SPHKAP: variants seen among roughly 807,000 people sequenced by gnomAD.
The protein encoded by SPHKAP is SPHK1 interactor, AKAP domain containing, also known as A-kinase anchor protein SPHKAP.
A neutral mutation model predicts 137.5 loss-of-function variants in SPHKAP; 67 were observed. The ratio of observed to expected loss-of-function variants is 0.49; its 90% CI spans 0.40 to 0.60. The LOEUF (loss-of-function observed/expected upper bound fraction) is 0.60, where lower values mean the gene tolerates loss of function less well. SPHKAP is among the 20% of genes least tolerant of loss of function. The pLI is 0.00. For synonymous variants in SPHKAP, 813 were observed against 785.3 expected, an observed-to-expected ratio of 1.04 and a Z score of -0.59; for missense variants, 2,097 against 2,069.3, an observed-to-expected ratio of 1.01 and a Z score of -0.26.
chr2:227,991,800 A>AATTTT, intron 9 of SPHKAP: 7 of 576,990 alleles, frequency 1.2e-5, no homozygotes, highest in Non-Finnish European at 1.5e-5. Context: ...TTTAAAAAAT[A>AATTTT]ATTTTACATG....
Position 228,018,463 on chromosome 2 carries a change from C to G in SPHKAP, c.2391G>C (p.Lys797Asn). The G allele has an allele frequency of 6.2e-7, 1 of 1,614,186 alleles. No homozygotes were observed. The highest frequency in any genetic ancestry group is 1.3e-5 in the African/African-American group (1 of 75,060). Residue 797 changes from lysine (K) to asparagine (N), a missense_variant, in exon 7 of 12, where the codon AAG becomes AAC. By Grantham distance (94) the Lys-to-Asn change is moderately conservative. Transcript: ENST00000392056. ...LVDGMYSKQD[K>N]GGVRPGLFKN... ...TGAAGAGGCCTGGCCTCACTCCACC[C>G]TTGTCTTGTTTTGAATACATGCCAT...
chr2:228,063,143 C>CCTATCTATCTATCTATCTAT (rs71043020), intron 3 of SPHKAP, among the ~76,000 whole-genome samples: 122 of 145,970 alleles, frequency 8.4e-4, no homozygotes, highest in South Asian at 2.4e-3. Flanking sequence ...TAGATAGATC[C>CCTATCTATCTATCTATCTAT]CTATCTATCT....
intron 7 of SPHKAP, among the ~76,000 whole-genome samples, chr2:228,001,494 TA>T (rs937893603): frequency 6.9e-6 from 1 of 143,914 alleles, no homozygotes; most frequent in African/African-American, 2.5e-5. Flanking sequence ...TACGTATATA[TA>T]AGTATATATA....
intron 1 of SPHKAP, among the ~76,000 whole-genome samples, chr2:228,177,474 C>T (rs1700778075): frequency 6.6e-6 from 1 of 152,166 alleles, no homozygotes; most frequent in African/African-American, 2.4e-5. Context: ...GTATTTCGTA[C>T]TTGTCCCTGT....
intron 3 of SPHKAP, among the ~76,000 whole-genome samples, chr2:228,056,583 C>CAA (rs35406042): frequency 3.0e-3 from 351 of 118,160 alleles, no homozygotes; most frequent in African/African-American, 7.9e-3. Flanking sequence ...AGTAAATGAG[C>CAA]AAAAAAAAAA....
intron 7 of SPHKAP, among the ~76,000 whole-genome samples, chr2:228,007,246 T>A (rs184446118): frequency 4.1e-4 from 62 of 152,334 alleles, no homozygotes; most frequent in African/African-American, 1.4e-3. Context: ...TAATTTGATA[T>A]ATGTATATAC....
At chr2:228,176,732 G>A (rs1311778238) in intron 1 of SPHKAP, among the ~76,000 whole-genome samples, 3 of 152,274 alleles carry the variant, frequency 2.0e-5, no homozygotes, top group East Asian at 3.9e-4. Flanking sequence ...TTAGCCGGGC[G>A]TGGTGGCGCA....
At position 228,018,953 on chromosome 2, in the gene SPHKAP, C is replaced by CT; in HGVS notation, c.1900dup (p.Ser634LysfsTer33). The CT allele has an allele frequency of 6.2e-7, 1 of 1,614,158 alleles. No individual in the cohort carries two copies. The highest frequency in any genetic ancestry group is 1.1e-5 in the South Asian group (1 of 91,080). ...GGAGTCCAGAAAGTCTCCAATGCTG[C>CT]TGTAGGTATTAGGCCTTGTTAAAAC... On this transcript the variant is annotated frameshift_variant, in exon 7 of 12. Coordinates refer to ENST00000392056, the MANE Select transcript of SPHKAP (RefSeq NM_001142644.2). LOFTEE classifies it high-confidence loss of function.
At chr2:228,158,691 C>A (rs1700182991) in intron 1 of SPHKAP, among the ~76,000 whole-genome samples, 1 of 152,304 alleles carries the variant, frequency 6.6e-6, no homozygotes, top group Admixed American at 6.5e-5. Flanking sequence ...CACTGCAGAT[C>A]TTTCTCTTGA....
intron 4 of SPHKAP, chr2:228,025,970 C>G (rs1695019506): frequency 1.8e-6 from 1 of 563,382 alleles, no homozygotes; most frequent in East Asian, 1.4e-4. Context: ...GTGGGAGGGA[C>G]CTGGTGGGAG....
intron 7 of SPHKAP, among the ~76,000 whole-genome samples, chr2:228,012,163 CAAAAAAA>C (rs544782857): frequency 3.5e-5 from 3 of 84,922 alleles, no homozygotes; most frequent in African/African-American, 4.9e-5. Context: ...GACTCTACCT[CAAAAAAA>C]AAAAAAAAAA....
chr2:228,001,800 A>G (rs1693915885), intron 7 of SPHKAP, among the ~76,000 whole-genome samples: 1 of 151,726 alleles, frequency 6.6e-6, no homozygotes, highest in African/African-American at 2.4e-5. Flanking sequence ...ATTCCCACCT[A>G]TGAGTGAGAA....
At chr2:228,175,692 A>G (rs1446590278) in intron 1 of SPHKAP, among the ~76,000 whole-genome samples, 2 of 152,200 alleles carry the variant, frequency 1.3e-5, no homozygotes, top group Non-Finnish European at 2.9e-5. Flanking sequence ...TACAATCTTA[A>G]CAAATGCGAA....
chr2:228,031,577 G>A (rs1366522727), intron 3 of SPHKAP, among the ~76,000 whole-genome samples: 1 of 152,182 alleles, frequency 6.6e-6, no homozygotes, highest in Non-Finnish European at 1.5e-5. Flanking sequence ...TCCTTAAGCG[G>A]GTCCTTGACC....
chr2:227,998,605 G>T (rs74978006), intron 7 of SPHKAP, among the ~76,000 whole-genome samples: 1,568 of 152,224 alleles, frequency 0.01, 27 homozygotes, highest in African/African-American at 0.036. Flanking sequence ...TACACACTGG[G>T]AATTACCCTC....
At chr2:228,003,992 T>C (rs1022800001) in intron 7 of SPHKAP, among the ~76,000 whole-genome samples, 3 of 152,220 alleles carry the variant, frequency 2.0e-5, no homozygotes, top group African/African-American at 7.2e-5. Context: ...TTTGCATCGA[T>C]GTTCATCAGG....
At chr2:228,124,730 A>G (rs1699020345) in intron 2 of SPHKAP, among the ~76,000 whole-genome samples, 1 of 74,152 alleles carries the variant, frequency 1.3e-5, no homozygotes, top group East Asian at 7.6e-4. Flanking sequence ...CTTAAAGTAT[A>G]AAAAGAAAAA....
intron 2 of SPHKAP, among the ~76,000 whole-genome samples, chr2:228,120,137 A>G (rs1399249100): frequency 1.3e-5 from 2 of 152,168 alleles, no homozygotes; most frequent in African/African-American, 2.4e-5. Flanking sequence ...GGAAATGGTT[A>G]TTAGTGAGCC....
chr2:228,092,176 C>T (rs1449548680), intron 3 of SPHKAP, among the ~76,000 whole-genome samples: 4 of 143,538 alleles, frequency 2.8e-5, no homozygotes, highest in East Asian at 2.0e-4. Flanking sequence ...TGTACACACA[C>T]ATGTGTGTAC....
Sources: allele counts gnomAD v4.1 joint callset (sites outside exome capture counted in the v4.1 genomes callset), GRCh38; gene constraint gnomAD v4.1.1; transcripts MANE v1.5; gene names NCBI Gene and HGNC (gene_info 2026-07-23, HGNC 2026-07-21).